The following METTL15 variants were observed in gnomAD, a reference collection of about 807,000 sequenced individuals.
METTL15 encodes 12S rRNA N(4)-cytidine methyltransferase METTL15.
In METTL15, 34 loss-of-function variants were observed where a neutral mutation model predicts 38.3. The observed-to-expected ratio is 0.89, with a 90% CI of 0.68 to 1.18. The LOEUF (loss-of-function observed/expected upper bound fraction) is 1.18, where lower values mean the gene tolerates loss of function less well. Among genes scored for constraint, METTL15 ranks in the 50% most tolerant of loss-of-function variants. The pLI, the probability that METTL15 is intolerant of heterozygous loss-of-function variation, is 0.00. For synonymous variants in METTL15, 162 were observed against 170.9 expected, an observed-to-expected ratio of 0.95 and a Z score of 0.41; for missense variants, 438 against 498.4, an observed-to-expected ratio of 0.88 and a Z score of 1.15.
intron 5 of METTL15, among the ~76,000 whole-genome samples, chr11:28,413,242 A>T (rs1313096780): frequency 6.6e-6 from 1 of 152,016 alleles, no homozygotes; most frequent in Non-Finnish European, 1.5e-5. Flanking sequence ...AGTAGTTTTT[A>T]TTCTTTACCT....
intron 4 of METTL15, among the ~76,000 whole-genome samples, chr11:28,219,777 T>A (rs1343303317): frequency 6.6e-6 from 1 of 152,198 alleles, no homozygotes; most frequent in Non-Finnish European, 1.5e-5. Context: ...TTCTCGTTGG[T>A]TTCAAAGAAC....
intron 5 of METTL15, among the ~76,000 whole-genome samples, chr11:28,402,572 G>T (rs777645261): frequency 6.6e-6 from 1 of 151,804 alleles, no homozygotes; most frequent in East Asian, 1.9e-4. Context: ...TATGGCTCTT[G>T]CTTCTGGACC....
chr11:28,362,502 A>C (rs1165224994), intron 5 of METTL15, among the ~76,000 whole-genome samples: 1 of 152,112 alleles, frequency 6.6e-6, no homozygotes, highest in Non-Finnish European at 1.5e-5. Context: ...TCCCCAATCT[A>C]GTGGACCCCA....
chr11:28,243,668 A>G (rs751149927), intron 4 of METTL15, among the ~76,000 whole-genome samples: 6 of 152,198 alleles, frequency 3.9e-5, no homozygotes, highest in Non-Finnish European at 8.8e-5. Flanking sequence ...ATAGCACTGT[A>G]TAAAGTATAT....
At chr11:28,235,447 G>A (rs185242656) in intron 4 of METTL15, among the ~76,000 whole-genome samples, 4 of 151,742 alleles carry the variant, frequency 2.6e-5, no homozygotes, top group African/African-American at 9.7e-5. Flanking sequence ...AGCATGGAAT[G>A]CTCTTCCATT....
chr11:28,305,035 G>C (rs1857034642), intron 6 of METTL15, among the ~76,000 whole-genome samples: 1 of 152,056 alleles, frequency 6.6e-6, no homozygotes, highest in African/African-American at 2.4e-5. Context: ...TTATTCTTTT[G>C]TCATTTCAAA....
At chr11:28,458,578 A>T (rs1165593179) in intron 6 of METTL15, among the ~76,000 whole-genome samples, 1 of 152,198 alleles carries the variant, frequency 6.6e-6, no homozygotes, top group Admixed American at 6.5e-5. Context: ...ACAATGTGCT[A>T]TCTTCATGAA....
intron 5 of METTL15, among the ~76,000 whole-genome samples, 172 bp downstream of exon 5, chr11:28,290,569 G>T (rs1010192592): frequency 1.3e-5 from 2 of 151,980 alleles, no homozygotes; most frequent in Non-Finnish European, 2.9e-5. Flanking sequence ...GTATTTCTCT[G>T]GATTTGGGAT....
intron 5 of METTL15, among the ~76,000 whole-genome samples, chr11:28,293,099 C>G (rs537603416): frequency 2.6e-4 from 39 of 152,198 alleles, no homozygotes; most frequent in Middle Eastern, 3.4e-3. Context: ...GTTGCCATTG[C>G]TTTTGGTGTT....
intron 3 of METTL15, among the ~76,000 whole-genome samples, chr11:28,138,075 A>G (rs1429555885): frequency 6.6e-6 from 1 of 151,996 alleles, no homozygotes; most frequent in Non-Finnish European, 1.5e-5. Context: ...AGAGGAATCT[A>G]TCCAATTTTA....
intron 6 of METTL15, 21 bp downstream of exon 6, chr11:28,296,952 C>T (rs1856760842): frequency 6.2e-7 from 1 of 1,612,864 alleles, no homozygotes; most frequent in Non-Finnish European, 8.5e-7. Flanking sequence ...TAATTCTCAA[C>T]AGTGTCTAAG....
At chr11:28,441,513 C>A (rs1280902332) in intron 6 of METTL15, among the ~76,000 whole-genome samples, 1 of 152,156 alleles carries the variant, frequency 6.6e-6, no homozygotes, top group African/African-American at 2.4e-5. Context: ...ATTCTACTGT[C>A]ACCTTAAACT....
At chr11:28,269,409 A>G (rs190259616) in intron 4 of METTL15, among the ~76,000 whole-genome samples, 5 of 152,138 alleles carry the variant, frequency 3.3e-5, no homozygotes, top group African/African-American at 1.2e-4. Flanking sequence ...ATAGGTTTAT[A>G]TATTCATATT....
In METTL15 at chr11:28,301,122, C is replaced by T. The variant is rs543545374; in HGVS notation, c.778+4191C>T. On this transcript the variant is annotated intron_variant, in intron 6 of 6. Transcript: ENST00000407364. ...TGCAACTTCCTCCATGAACTGGCTC[C>T]TACCTGTCTTTTCATCTTCCCCTTT... Among the ~76,000 whole-genome samples, 7 of 152,190 alleles carry T rather than the reference C, an allele frequency of 4.6e-5. No homozygotes were observed. In the South Asian group the frequency reaches 1.5e-3, roughly 32 times the overall value.
rs1378155811 is a variant in METTL15 at position 28,280,598 on chromosome 11, A to T, written c.408-9608A>T. Among the ~76,000 whole-genome samples the T allele has an allele frequency of 2.7e-5, 4 of 147,358 alleles. No homozygotes were observed. In the South Asian group the frequency reaches 8.5e-4, roughly 31 times the overall value. ...TGTTTTTGAATATTGCTTTTACTCC[A>T]TTCTTTCTTTCCTCTTTTTTGGAAT... On this transcript the variant is annotated intron_variant, in intron 4 of 6. Transcript: ENST00000407364.
At chr11:28,215,764 G>A (rs1357121437) in intron 4 of METTL15, among the ~76,000 whole-genome samples, 2 of 152,128 alleles carry the variant, frequency 1.3e-5, no homozygotes, top group African/African-American at 4.8e-5. Flanking sequence ...GGAACGAAGA[G>A]GATCATACCT....
At chr11:28,306,448 C>T (rs919897887) in intron 6 of METTL15, among the ~76,000 whole-genome samples, 8 of 151,970 alleles carry the variant, frequency 5.3e-5, no homozygotes, top group South Asian at 2.1e-4. Flanking sequence ...TTTATCTGAA[C>T]GATCCATTTC....
At chr11:28,141,333 C>T (rs988488763) in intron 3 of METTL15, among the ~76,000 whole-genome samples, 3 of 151,810 alleles carry the variant, frequency 2.0e-5, no homozygotes, top group Admixed American at 6.6e-5. Flanking sequence ...GTGGTATGGC[C>T]GAATGCACGA....
intron 6 of METTL15, among the ~76,000 whole-genome samples, chr11:28,493,702 G>A (rs751763752): frequency 4.6e-5 from 7 of 152,140 alleles, no homozygotes; most frequent in Non-Finnish European, 1.0e-4. Flanking sequence ...GTTGTTCAAG[G>A]TCAGAATCTG....
Sources: gnomAD v4.1 joint callset for allele counts (sites outside exome capture counted in the v4.1 genomes callset) on GRCh38, gnomAD v4.1.1 for gene constraint, MANE v1.5 for transcripts, NCBI Gene and HGNC (gene_info 2026-07-23, HGNC 2026-07-21) for gene names.